The following SCML4 variants were observed in gnomAD, a reference collection of about 807,000 sequenced individuals.
The protein encoded by SCML4 is Scm polycomb group protein like 4, also known as sex comb on midleg-like protein 4.
Under a neutral mutation model 41.1 loss-of-function variants are expected in SCML4, and 34 were observed. The observed-to-expected ratio is 0.83, with a 90% CI of 0.63 to 1.10. The LOEUF (loss-of-function observed/expected upper bound fraction) is 1.10. Among genes scored for constraint, SCML4 ranks in the 50% least tolerant of loss-of-function variants. SCML4 has a pLI of 0.00. For synonymous variants in SCML4, 214 were observed against 220.9 expected (o/e 0.97, Z 0.28); for missense variants, 522 against 534.1 (o/e 0.98, Z 0.22).
intron 2 of SCML4, among the ~76,000 whole-genome samples, chr6:107,771,899 T>C (rs1252035742): frequency 6.6e-6 from 1 of 152,214 alleles, no homozygotes; most frequent in Non-Finnish European, 1.5e-5. Flanking sequence ...ATAATGTGTG[T>C]TTAGCGATGA....
chr6:107,716,969 C>A (rs1024026146), intron 6 of SCML4, among the ~76,000 whole-genome samples: 32 of 151,754 alleles, frequency 2.1e-4, no homozygotes, highest in African/African-American at 7.8e-4. Context: ...CTGGTACCTG[C>A]GGTTTTATTT....
At chr6:107,756,181 A>G (rs568354087) in intron 2 of SCML4, among the ~76,000 whole-genome samples, 134 of 152,296 alleles carry the variant, frequency 8.8e-4, no homozygotes, top group African/African-American at 3.1e-3. Context: ...CACAGTGAGT[A>G]CTTCCAAAGA....
intron 5 of SCML4, among the ~76,000 whole-genome samples, chr6:107,743,770 A>T (rs1460583107): frequency 2.0e-5 from 3 of 152,222 alleles, no homozygotes; most frequent in African/African-American, 4.8e-5. Flanking sequence ...GTTTCCCAGG[A>T]CTCAGAGAGA....
At chr6:107,721,780 G>C (rs1277933907) in intron 5 of SCML4, among the ~76,000 whole-genome samples, 1 of 152,066 alleles carries the variant, frequency 6.6e-6, no homozygotes, top group Non-Finnish European at 1.5e-5. Context: ...CTTTAGTCCT[G>C]ATACAAACAC....
chr6:107,820,384 GTGTT>G (rs747957639), intron 1 of SCML4, among the ~76,000 whole-genome samples: 30 of 152,204 alleles, frequency 2.0e-4, no homozygotes, highest in Non-Finnish European at 3.2e-4. Context: ...GGAGGGGTGT[GTGTT>G]TGTGTGTGCG....
chr6:107,764,774 C>T (rs1454841933), intron 2 of SCML4, among the ~76,000 whole-genome samples: 6 of 152,220 alleles, frequency 3.9e-5, no homozygotes, highest in East Asian at 1.9e-4. Context: ...GGGAGGGACC[C>T]GGTGGGAGGT....
chr6:107,785,107 C>T (rs1027060219), intron 1 of SCML4, among the ~76,000 whole-genome samples: 6 of 152,194 alleles, frequency 3.9e-5, no homozygotes, highest in South Asian at 2.1e-4. Context: ...CTGACAGACA[C>T]GCCTGGTTTA....
At chr6:107,758,495 T>C (rs182483199) in intron 2 of SCML4, among the ~76,000 whole-genome samples, 125 of 152,364 alleles carry the variant, frequency 8.2e-4, no homozygotes, top group Middle Eastern at 3.4e-3. Context: ...TAATCCCCTG[T>C]ACCTGCAAAT....
At chr6:107,839,382 AAAG>A in the SCML4 span, among the ~76,000 whole-genome samples, 1 of 149,580 alleles carries the variant, frequency 6.7e-6, no homozygotes, top group Non-Finnish European at 1.5e-5. Flanking sequence ...AGAAAGAAAG[AAAG>A]AAAGAAAGAA....
intron 2 of SCML4, among the ~76,000 whole-genome samples, chr6:107,764,785 A>C (rs1423080278): frequency 2.0e-5 from 3 of 152,186 alleles, no homozygotes; most frequent in Non-Finnish European, 4.4e-5. Context: ...GGTGGGAGGT[A>C]ACTGAATCAT....
chr6:107,782,035 G>C (rs575537279), intron 1 of SCML4, among the ~76,000 whole-genome samples: 17 of 152,300 alleles, frequency 1.1e-4, no homozygotes, highest in African/African-American at 2.9e-4. Flanking sequence ...CCCAAGAGGG[G>C]TACAACAGCC....
chr6:107,771,646 T>C (rs1325222405), intron 2 of SCML4, among the ~76,000 whole-genome samples: 2 of 152,198 alleles, frequency 1.3e-5, no homozygotes, highest in Middle Eastern at 6.3e-3. Context: ...AGTGGGAAAC[T>C]AGGAATTAAC....
At chr6:107,788,572 G>A (rs13195882) in intron 1 of SCML4, among the ~76,000 whole-genome samples, 48,321 of 152,050 alleles carry the variant, frequency 0.32, 7,782 homozygotes, top group Middle Eastern at 0.35. Context: ...CAGACAATGC[G>A]ACATTCCTCA....
chr6:107,785,155 G>A (rs1321766250), intron 1 of SCML4, among the ~76,000 whole-genome samples: 1 of 152,098 alleles, frequency 6.6e-6, no homozygotes, highest in African/African-American at 2.4e-5. Context: ...TTTCTTATTT[G>A]TATCTTCCCG....
At chr6:107,793,436 A>T (rs920925802) in intron 1 of SCML4, among the ~76,000 whole-genome samples, 1 of 152,196 alleles carries the variant, frequency 6.6e-6, no homozygotes, top group Non-Finnish European at 1.5e-5. Flanking sequence ...GGACAAACAA[A>T]TGCTTAAAAC....
chr6:107,720,737 C>A lies in SCML4; in HGVS notation c.939G>T (p.Lys313Asn). 1 of 1,584,094 alleles carries A rather than the reference C, an allele frequency of 6.3e-7. No individual in the cohort carries two copies. Among genetic ancestry groups the A allele is most frequent in the South Asian group, 1.2e-5 (1 of 86,914 alleles). The part of the protein sequence containing the change: ...PGLRPPASSP[K>N]RNTTSLEGNR... The stretch of plus-strand genomic sequence containing the variant: ...TTCCTTCAAGAGAGGTCGTGTTTCT[C>A]TTGGGGCTGGAGGCTGGAGGCCTCA... Residue 313 changes from lysine (K) to asparagine (N), a missense_variant, in exon 6 of 8, where the codon AAG becomes AAT. Physicochemically the swap from Lys to Asn is moderately conservative, Grantham distance 94. Coordinates refer to ENST00000369020, the MANE Select transcript of SCML4 (RefSeq NM_198081.5).
At chr6:107,825,006 T>A (rs562245573), upstream of SCML4, among the ~76,000 whole-genome samples, 1 of 152,290 alleles carries the variant, frequency 6.6e-6, no homozygotes, top group African/African-American at 2.4e-5. Flanking sequence ...TGTATGTGTG[T>A]GTGTGTAAGC....
At chr6:107,756,381 A>C (rs766063372) in intron 2 of SCML4, among the ~76,000 whole-genome samples, 3 of 152,200 alleles carry the variant, frequency 2.0e-5, no homozygotes, top group African/African-American at 4.8e-5. Context: ...CCCTAGTCTA[A>C]TCATGAGAAA....
chr6:107,813,147 G>A (rs940113208), intron 1 of SCML4, among the ~76,000 whole-genome samples: 89 of 151,514 alleles, frequency 5.9e-4, no homozygotes, highest in African/African-American at 2.1e-3. Context: ...AGGATGGCTT[G>A]AGTTCAGGAG....
Sources: allele counts gnomAD v4.1 joint callset (sites outside exome capture counted in the v4.1 genomes callset), GRCh38; gene constraint gnomAD v4.1.1; transcripts MANE v1.5; gene names NCBI Gene and HGNC (gene_info 2026-07-23, HGNC 2026-07-21).